The following STPG2 variants were observed in gnomAD, a reference collection of about 807,000 sequenced individuals.
The protein encoded by STPG2 is sperm tail PG-rich repeat containing 2.
In STPG2, 56 loss-of-function variants were observed where a neutral mutation model predicts 54.2. That is an observed-to-expected ratio of 1.03 (90% CI 0.83 to 1.29). The LOEUF (loss-of-function observed/expected upper bound fraction) is 1.29, where lower values mean the gene tolerates loss of function less well. Among genes scored for constraint, STPG2 ranks in the 50% most tolerant of loss-of-function variants. The pLI is 0.00. For synonymous variants in STPG2, 200 were observed against 181.8 expected (o/e 1.10, Z -0.81); for missense variants, 596 against 544.9 (o/e 1.09, Z -0.93).
intron 6 of STPG2, among the ~76,000 whole-genome samples, chr4:97,974,982 A>C (rs1450125579): frequency 6.6e-6 from 1 of 152,230 alleles, no homozygotes; most frequent in East Asian, 1.9e-4. Context: ...TAAAAAAGAA[A>C]GACAAACACA....
At chr4:97,590,191 C>T (rs1733101250) in intron 10 of STPG2, among the ~76,000 whole-genome samples, 1 of 151,972 alleles carries the variant, frequency 6.6e-6, no homozygotes, top group South Asian at 2.1e-4. Flanking sequence ...TTTATATATG[C>T]ATAGGGGACA....
At position 97,654,765 on chromosome 4, in the gene STPG2, G is replaced by T. The variant is rs139186768; in HGVS notation, c.1320+57934C>A. 5.3e-4 allele frequency among the ~76,000 whole-genome samples: 80 copies of T among 151,482 alleles called. No individual in the cohort carries two copies. In the East Asian group the frequency reaches 0.012, roughly 24 times the overall value. On this transcript the variant is annotated intron_variant, in intron 10 of 10. Transcript: ENST00000295268. ...TCATTAGACAACAACAGAAAAAATG[G>T]TCAAATAAAGTTCATCTTAATGTTG...
At chr4:97,911,701 G>T (rs144840738) in intron 8 of STPG2, among the ~76,000 whole-genome samples, 1 of 152,182 alleles carries the variant, frequency 6.6e-6, no homozygotes, top group Admixed American at 6.5e-5. Context: ...CTGGGAGGGA[G>T]CCCCTGGTGG....
intron 9 of STPG2, among the ~76,000 whole-genome samples, chr4:97,758,471 A>G (rs935912563): frequency 5.3e-5 from 8 of 152,324 alleles, no homozygotes; most frequent in African/African-American, 1.9e-4. Flanking sequence ...TGTTCTTTGC[A>G]GGGACATGGA....
intron 5 of STPG2, among the ~76,000 whole-genome samples, chr4:98,014,874 G>A (rs966003716): frequency 3.3e-5 from 5 of 152,034 alleles, no homozygotes; most frequent in African/African-American, 1.2e-4. Context: ...AGCTTTGGAA[G>A]GTATAATATT....
At chr4:97,852,967 CTTTTTTTTTTTT>C (rs574886386) in intron 8 of STPG2, among the ~76,000 whole-genome samples, 1 of 69,630 alleles carries the variant, frequency 1.4e-5, no homozygotes, top group Non-Finnish European at 2.5e-5. Flanking sequence ...AACATATTTT[CTTTTTTTTTTTT>C]TTTTTTTTTT....
At chr4:97,548,611 T>C (rs1731897727) in intron 4 of STPG2, among the ~76,000 whole-genome samples, 1 of 152,208 alleles carries the variant, frequency 6.6e-6, no homozygotes. Flanking sequence ...TAATCATTTA[T>C]TTGGAGTCTA....
chr4:97,864,303 A>G (rs1729677439), intron 8 of STPG2, among the ~76,000 whole-genome samples: 1 of 88,972 alleles, frequency 1.1e-5, no homozygotes, highest in Non-Finnish European at 2.1e-5. Flanking sequence ...AGACACCAAT[A>G]ACAGACAGCC....
At position 97,565,418 on chromosome 4, in the gene STPG2, CCTT is replaced by C. The variant is rs1398808470; in HGVS notation, c.1321-6304_1321-6302del. On this transcript the variant is annotated intron_variant, in intron 10 of 10. Transcript: ENST00000295268. ...CTCGGAGTAGTTTGATCATCTGAAG[CCTT>C]CTTCTCTCAACTCGTCAAAGTCATT... Among the ~76,000 whole-genome samples, 6 of 152,182 alleles carry C rather than the reference CCTT, an allele frequency of 3.9e-5. No homozygotes were observed. In the South Asian group the frequency reaches 8.3e-4, roughly 21 times the overall value.
chr4:97,829,320 G>C (rs1728366053), intron 9 of STPG2, among the ~76,000 whole-genome samples: 1 of 152,066 alleles, frequency 6.6e-6, no homozygotes, highest in Non-Finnish European at 1.5e-5. Context: ...GAAAGGGATA[G>C]CATCAACATC....
At chr4:97,516,290 CAG>C (rs755243667) in intron 4 of STPG2, among the ~76,000 whole-genome samples, 38 of 152,090 alleles carry the variant, frequency 2.5e-4, no homozygotes, top group Non-Finnish European at 4.4e-4. Context: ...TGAACTAAAC[CAG>C]AGTCACAAAT....
chr4:97,650,828 T>C (rs1201744553), intron 10 of STPG2, among the ~76,000 whole-genome samples: 1 of 152,114 alleles, frequency 6.6e-6, no homozygotes, highest in African/African-American at 2.4e-5. Flanking sequence ...TTTCAAAATA[T>C]GGAGAAGAAA....
In STPG2 at chr4:97,695,702, C is replaced by T. The variant is rs1189089245; in HGVS notation, c.1320+16997G>A. 2.6e-5 allele frequency among the ~76,000 whole-genome samples: 4 copies of T among 151,440 alleles called. No individual in the cohort carries two copies. In the South Asian group the frequency reaches 8.3e-4, roughly 32 times the overall value. ...ATCAGTAGTCTGCTATACACCAACA[C>T]TGATCAAGCTGAGAATCAAATCAGG... On this transcript the variant is annotated intron_variant, in intron 10 of 10. Transcript: ENST00000295268.
intron 9 of STPG2, among the ~76,000 whole-genome samples, chr4:97,733,754 G>A (rs1451941529): frequency 6.6e-6 from 1 of 152,000 alleles, no homozygotes; most frequent in Non-Finnish European, 1.5e-5. Context: ...CTCCATGCAG[G>A]GTTCCCAGCT....
At chr4:97,884,448 A>C (rs1730490561) in intron 8 of STPG2, among the ~76,000 whole-genome samples, 1 of 152,216 alleles carries the variant, frequency 6.6e-6, no homozygotes, top group Non-Finnish European at 1.5e-5. Flanking sequence ...GGACACAGAT[A>C]ACAATTTACA....
intron 10 of STPG2, among the ~76,000 whole-genome samples, chr4:97,588,812 G>A (rs559519437): frequency 3.6e-4 from 54 of 151,884 alleles, no homozygotes; most frequent in Non-Finnish European, 6.9e-4. Flanking sequence ...AAAATACTGG[G>A]AACAATTAAA....
At chr4:97,552,875 G>A (rs1176294733) in intron 4 of STPG2, among the ~76,000 whole-genome samples, 1 of 152,046 alleles carries the variant, frequency 6.6e-6, no homozygotes, top group African/African-American at 2.4e-5. Flanking sequence ...CATTTTATTT[G>A]ACATTACTAA....
chr4:97,526,128 C>T (rs1731275708), intron 4 of STPG2, among the ~76,000 whole-genome samples: 1 of 151,888 alleles, frequency 6.6e-6, no homozygotes, highest in Non-Finnish European at 1.5e-5. Context: ...TAATATACTT[C>T]ATGTAGATTA....
chr4:97,810,387 C>T (rs1345336354), intron 9 of STPG2, among the ~76,000 whole-genome samples: 3 of 151,564 alleles, frequency 2.0e-5, no homozygotes, highest in Non-Finnish European at 4.4e-5. Flanking sequence ...TCGCTTGAAC[C>T]CGGGGGGCAG....
Sources: allele counts gnomAD v4.1 joint callset (sites outside exome capture counted in the v4.1 genomes callset), GRCh38; gene constraint gnomAD v4.1.1; transcripts MANE v1.5; gene names NCBI Gene and HGNC (gene_info 2026-07-23, HGNC 2026-07-21).